Variants in NPAS3 observed in about 807,000 individuals in gnomAD.
NPAS3 encodes the protein neuronal PAS domain-containing protein 3.
NPAS3 carries 14 observed loss-of-function variants against 73.1 expected under a neutral mutation model. The observed-to-expected ratio is 0.19, with a 90% confidence interval of 0.13 to 0.30. The LOEUF (loss-of-function observed/expected upper bound fraction) is 0.30. Ranked by LOEUF, NPAS3 falls within the 10% of genes least tolerant of loss-of-function variation. The probability of loss-of-function intolerance (pLI) is 1.00; values close to 1 mark genes in which losing one functional copy is unlikely to be tolerated. For missense variants in NPAS3, 1,096 were observed against 1,250.0 expected, an observed-to-expected ratio of 0.88 and a Z score of 1.86; for synonymous variants, 620 against 541.5, an observed-to-expected ratio of 1.14 and a Z score of -2.01.
chr14:33,423,683 G>A (rs2048443947), intron 4 of NPAS3, among the ~76,000 whole-genome samples: 1 of 151,958 alleles, frequency 6.6e-6, no homozygotes, highest in Non-Finnish European at 1.5e-5. Context: ...ACAAGAAGAA[G>A]TAAAGTTCTT....
intron 4 of NPAS3, among the ~76,000 whole-genome samples, chr14:33,466,432 A>G (rs2050528710): frequency 6.6e-6 from 1 of 152,228 alleles, no homozygotes; most frequent in African/African-American, 2.4e-5. Flanking sequence ...TTGGTTATCA[A>G]GTAAATACTA....
intron 9 of NPAS3, chr14:33,780,940 G>T: frequency 4.6e-6 from 1 of 217,572 alleles, no homozygotes; most frequent in South Asian, 6.2e-5. Flanking sequence ...TACTAACAAT[G>T]ATTGGGTTCA....
intron 1 of NPAS3, among the ~76,000 whole-genome samples, chr14:33,001,094 A>G (rs765457097): frequency 2.6e-5 from 4 of 152,202 alleles, no homozygotes; most frequent in African/African-American, 4.8e-5. Flanking sequence ...ATCGGATCCA[A>G]TGGGAATCTT....
At chr14:33,318,492 A>G (rs2043300003) in intron 3 of NPAS3, among the ~76,000 whole-genome samples, 1 of 152,128 alleles carries the variant, frequency 6.6e-6, no homozygotes, top group African/African-American at 2.4e-5. Flanking sequence ...AATTTCATTT[A>G]TACCTATTTT....
chr14:33,795,309 G>T (rs944056804), intron 10 of NPAS3, among the ~76,000 whole-genome samples: 1 of 152,106 alleles, frequency 6.6e-6, no homozygotes, highest in Non-Finnish European at 1.5e-5. Context: ...AAAGGTAAAA[G>T]TATGTGTATT....
chr14:33,055,730 G>A (rs1270546599), intron 1 of NPAS3, among the ~76,000 whole-genome samples, 175 bp from the exon 2 acceptor site: 1 of 152,020 alleles, frequency 6.6e-6, no homozygotes, highest in African/African-American at 2.4e-5. Flanking sequence ...TCTGACTGCA[G>A]TTTTCTAAAA....
chr14:33,648,814 C>G (rs2058908051), intron 5 of NPAS3, among the ~76,000 whole-genome samples: 1 of 152,196 alleles, frequency 6.6e-6, no homozygotes, highest in Non-Finnish European at 1.5e-5. Context: ...CAGTGAAGCC[C>G]TCCAGAATCT....
At chr14:33,162,115 G>A (rs2044913821) in intron 2 of NPAS3, among the ~76,000 whole-genome samples, 1 of 152,186 alleles carries the variant, frequency 6.6e-6, no homozygotes, top group Admixed American at 6.5e-5. Context: ...GCAAATCCCT[G>A]CAAAGAGCAT....
intron 6 of NPAS3, among the ~76,000 whole-genome samples, chr14:33,692,042 A>T (rs1595449924): frequency 6.6e-6 from 1 of 152,198 alleles, no homozygotes; most frequent in African/African-American, 2.4e-5. Flanking sequence ...CCGGAGAGGG[A>T]ATCCAGACTG....
chr14:33,680,856 TG>T (rs917724789), intron 6 of NPAS3: 288 of 522,172 alleles, frequency 5.5e-4, no homozygotes, highest in African/African-American at 5.0e-3. Flanking sequence ...GTGTAAAGTA[TG>T]GGTTATCATG....
intron 4 of NPAS3, among the ~76,000 whole-genome samples, chr14:33,458,203 T>G (rs1018295351): frequency 3.3e-5 from 5 of 152,244 alleles, no homozygotes; most frequent in Non-Finnish European, 7.3e-5. Flanking sequence ...CTTTTGTTTT[T>G]TAAAACTTCA....
chr14:33,190,285 A>G (rs763362901), intron 2 of NPAS3, among the ~76,000 whole-genome samples: 1 of 152,360 alleles, frequency 6.6e-6, no homozygotes, highest in South Asian at 2.1e-4. Context: ...GTTTCAGAAC[A>G]GTATCAAGAA....
intron 3 of NPAS3, among the ~76,000 whole-genome samples, chr14:33,312,818 A>T (rs1259616673): frequency 6.8e-6 from 1 of 146,666 alleles, no homozygotes; most frequent in African/African-American, 2.6e-5. Context: ...AGATACGTAG[A>T]TATAGGCACA....
intron 4 of NPAS3, among the ~76,000 whole-genome samples, chr14:33,439,989 G>A (rs1050729076): frequency 7.2e-5 from 11 of 152,078 alleles, no homozygotes; most frequent in South Asian, 2.1e-4. Flanking sequence ...GGTGGCGGGC[G>A]CCTGTAGTCC....
At chr14:33,801,132 G>A, downstream of NPAS3, 15 of 1,553,094 alleles carry the variant, frequency 9.7e-6, no homozygotes, top group Admixed American at 6.0e-5. Flanking sequence ...CCTGGGCCCG[G>A]CCAGGCCCCG....
chr14:33,033,077 C>T (rs1174934044), intron 1 of NPAS3, among the ~76,000 whole-genome samples: 1 of 152,136 alleles, frequency 6.6e-6, no homozygotes, highest in East Asian at 1.9e-4. Flanking sequence ...TTGGCCCAAT[C>T]TCTTTATGTT....
intron 4 of NPAS3, among the ~76,000 whole-genome samples, chr14:33,542,429 C>T (rs2054564305): frequency 6.6e-6 from 1 of 152,180 alleles, no homozygotes; most frequent in South Asian, 2.1e-4. Flanking sequence ...CTGGCCTTGG[C>T]AGACAAGCCT....
chr14:33,596,637 T>C (rs1429540037), intron 5 of NPAS3, among the ~76,000 whole-genome samples: 2 of 152,232 alleles, frequency 1.3e-5, no homozygotes, highest in Admixed American at 6.5e-5. Context: ...TCTGTTCAAT[T>C]GACCTGTCAA....
intron 5 of NPAS3, among the ~76,000 whole-genome samples, chr14:33,636,128 C>T (rs530032842): frequency 6.6e-6 from 1 of 152,294 alleles, no homozygotes; most frequent in East Asian, 1.9e-4. Flanking sequence ...CCACGTTAGT[C>T]AGGCTGGTCT....
Sources: allele counts gnomAD v4.1 joint callset (sites outside exome capture counted in the v4.1 genomes callset), GRCh38; gene constraint gnomAD v4.1.1; transcripts MANE v1.5; gene names NCBI Gene and HGNC (gene_info 2026-07-23, HGNC 2026-07-21).